AUTS2: variants seen among roughly 807,000 people sequenced by gnomAD.
The protein encoded by AUTS2 is autism susceptibility gene 2 protein.
A neutral mutation model predicts 112.4 loss-of-function variants in AUTS2; 17 were observed. That is an observed-to-expected ratio of 0.15 (90% CI 0.10 to 0.23). The LOEUF (loss-of-function observed/expected upper bound fraction) is 0.23, where lower values mean the gene tolerates loss of function less well. Among genes scored for constraint, AUTS2 ranks in the 10% least tolerant of loss-of-function variants. AUTS2 has a pLI of 1.00. For missense variants in AUTS2, 1,510 were observed against 1,701.6 expected, an observed-to-expected ratio of 0.89 and a Z score of 1.98; for synonymous variants, 751 against 702.7, an observed-to-expected ratio of 1.07 and a Z score of -1.09.
At chr7:69,717,949 G>A (rs1162715481) in intron 1 of AUTS2, among the ~76,000 whole-genome samples, 1 of 152,116 alleles carries the variant, frequency 6.6e-6, no homozygotes, top group Non-Finnish European at 1.5e-5. Context: ...CAGCAAAGGA[G>A]GCCAAAGATT....
At chr7:70,618,397 C>G (rs2129536196) in intron 5 of AUTS2, among the ~76,000 whole-genome samples, 1 of 152,288 alleles carries the variant, frequency 6.6e-6, no homozygotes, top group East Asian at 1.9e-4. Context: ...GCAGTCTCTC[C>G]CTGGAGGGCT....
At chr7:70,111,941 T>TATCTATATAGTTGATA (rs1805109184) in intron 2 of AUTS2, among the ~76,000 whole-genome samples, 1 of 152,018 alleles carries the variant, frequency 6.6e-6, no homozygotes, top group African/African-American at 2.4e-5. Flanking sequence ...ATACTATAGT[T>TATCTATATAGTTGATA]TACTAACTGT....
chr7:69,821,147 G>C (rs1474788279), intron 1 of AUTS2, among the ~76,000 whole-genome samples: 3 of 152,190 alleles, frequency 2.0e-5, no homozygotes, highest in African/African-American at 4.8e-5. Flanking sequence ...AAAGTGCTGT[G>C]TGTATACTGG....
chr7:70,386,337 T>A (rs928647499), intron 4 of AUTS2, among the ~76,000 whole-genome samples: 17 of 152,250 alleles, frequency 1.1e-4, no homozygotes, highest in Admixed American at 1.3e-4. Flanking sequence ...TCAGTTCTAC[T>A]TCTGAAATAT....
chr7:70,554,398 T>C (rs1054997874), intron 5 of AUTS2, among the ~76,000 whole-genome samples: 6 of 145,446 alleles, frequency 4.1e-5, no homozygotes, highest in Non-Finnish European at 7.6e-5. Flanking sequence ...TCTTTCTTTT[T>C]TTTTTTTTTT....
intron 4 of AUTS2, among the ~76,000 whole-genome samples, chr7:70,359,639 C>T (rs984905061): frequency 5.9e-5 from 9 of 152,144 alleles, no homozygotes; most frequent in East Asian, 3.9e-4. Context: ...TGAGAACTTA[C>T]TCACTTCCAA....
In AUTS2 at chr7:69,598,571, A is replaced by AGCGGCG. The variant is rs1361080540; in HGVS notation, c.-1076_-1071dup. 1 of 169,632 alleles carries AGCGGCG rather than the reference A, an allele frequency of 5.9e-6. No individual in the cohort carries two copies. Among genetic ancestry groups the AGCGGCG allele is most frequent in the Non-Finnish European group, 1.2e-5 (1 of 82,780 alleles). The allele number at this position is 169,632 out of a possible 1,614,324, so 10.5% of individuals were successfully genotyped here. ...CGGCGGCGGCAGCAGCAGCAGCGTTAGCGGCGGCGGCGAGAGCAGCGTTCC... is the reference window on the plus strand; with the variant it reads ...CGGCGGCGGCAGCAGCAGCAGCGTTAGCGGCGGCGGCGGCGGCGAGAGCAGCGTTCC... On this transcript the variant is annotated 5_prime_UTR_variant, in exon 1 of 19. Coordinates refer to ENST00000342771, the MANE Select transcript of AUTS2 (RefSeq NM_015570.4).
At chr7:70,730,133 C>G (rs1336154180) in intron 6 of AUTS2, among the ~76,000 whole-genome samples, 1 of 152,058 alleles carries the variant, frequency 6.6e-6, no homozygotes, top group Non-Finnish European at 1.5e-5. Flanking sequence ...CCGCCTACCT[C>G]GGCCTCCCAA....
chr7:70,289,645 T>A (rs1788620151), intron 4 of AUTS2, among the ~76,000 whole-genome samples: 1 of 152,162 alleles, frequency 6.6e-6, no homozygotes, highest in Non-Finnish European at 1.5e-5. Context: ...GATTCAGAAA[T>A]GGAAGCTCAC....
chr7:70,453,002 CCT>C (rs1442660457), intron 5 of AUTS2, among the ~76,000 whole-genome samples: 1 of 152,182 alleles, frequency 6.6e-6, no homozygotes, highest in Non-Finnish European at 1.5e-5. Context: ...TCTCTCCTCC[CCT>C]GTCCCTTCCC....
At chr7:69,622,703 G>C (rs1197287227) in intron 1 of AUTS2, among the ~76,000 whole-genome samples, 1 of 152,196 alleles carries the variant, frequency 6.6e-6, no homozygotes, top group East Asian at 1.9e-4. Flanking sequence ...GCCAGCAGAA[G>C]TTACATAGTG....
chr7:70,004,054 ATG>A, intron 2 of AUTS2, among the ~76,000 whole-genome samples: 1 of 123,246 alleles, frequency 8.1e-6, no homozygotes, highest in African/African-American at 3.0e-5. Context: ...AATGTGTTAT[ATG>A]TGAATATATA....
At chr7:70,727,163 A>C (rs771923788) in intron 6 of AUTS2, among the ~76,000 whole-genome samples, 2 of 152,166 alleles carry the variant, frequency 1.3e-5, no homozygotes, top group Admixed American at 1.3e-4. Flanking sequence ...TGGGAATTCA[A>C]AGGTAGCTTT....
chr7:70,558,932 G>A (rs998812484), intron 5 of AUTS2, among the ~76,000 whole-genome samples: 3 of 152,152 alleles, frequency 2.0e-5, no homozygotes, highest in Non-Finnish European at 2.9e-5. Context: ...CATCTGATAG[G>A]CCATGCCATC....
At chr7:70,596,386 C>G (rs1367557072) in intron 5 of AUTS2, 1 of 152,226 alleles carries the variant, frequency 6.6e-6, no homozygotes, top group African/African-American at 2.4e-5. Flanking sequence ...GCGAACCCAC[C>G]TCGGAAGCCA....
rs556488964 is a variant in AUTS2 at position 69,929,263 on chromosome 7, CT to C, written c.522+29774del. ...CTTAGTTTCTGGTAATGTAACTTGT[CT>C]TTTTTTTTGACTGCTTTTAAGTGTT... On this transcript the variant is annotated intron_variant, in intron 2 of 18. Coordinates refer to ENST00000342771, the MANE Select transcript of AUTS2 (RefSeq NM_015570.4). Among the ~76,000 whole-genome samples the C allele has an allele frequency of 2.9e-3, 445 of 150,984 alleles. 5 individuals carry two copies. Among genetic ancestry groups the C allele is most frequent in the African/African-American group, 0.01 (428 of 41,212 alleles).
intron 1 of AUTS2, among the ~76,000 whole-genome samples, chr7:69,691,092 G>A (rs1389341969): frequency 6.6e-6 from 1 of 152,154 alleles, no homozygotes; most frequent in Admixed American, 6.5e-5. Context: ...TGGTAGTCCT[G>A]ACATCTGCCT....
chr7:69,805,810 G>C (rs995170645), intron 1 of AUTS2, among the ~76,000 whole-genome samples: 1 of 152,204 alleles, frequency 6.6e-6, no homozygotes, highest in African/African-American at 2.4e-5. Flanking sequence ...TTGGATGATA[G>C]TATTTAGGCA....
Position 70,534,233 on chromosome 7 carries a change from G to A in AUTS2, c.690+98452G>A, listed in dbSNP as rs1480292475. ...ATGGCCTCATGGTGCCCTGCTGGTT[G>A]CTGCCTTTTGCTGCTCTTTTACAAT... On this transcript the variant is annotated intron_variant, in intron 5 of 18. Transcript: ENST00000342771. Among the ~76,000 whole-genome samples, 7 of 152,190 alleles carry A rather than the reference G, an allele frequency of 4.6e-5. No homozygotes were observed. The South Asian group carries it at 6.2e-4, about 13-fold the overall frequency.
Sources: allele counts gnomAD v4.1 joint callset (sites outside exome capture counted in the v4.1 genomes callset), GRCh38; gene constraint gnomAD v4.1.1; transcripts MANE v1.5; gene names NCBI Gene and HGNC (gene_info 2026-07-23, HGNC 2026-07-21).